GRID1: variants seen among roughly 807,000 people sequenced by gnomAD.
GRID1 encodes glutamate ionotropic receptor delta type subunit 1.
In GRID1, 28 loss-of-function variants were observed where a neutral mutation model predicts 98.0. The ratio of observed to expected loss-of-function variants is 0.29; its 90% CI spans 0.21 to 0.39. The LOEUF is 0.39. Among genes scored for constraint, GRID1 ranks in the 10% least tolerant of loss-of-function variants. GRID1 has a pLI of 1.00. For missense variants in GRID1, 1,111 were observed against 1,340.5 expected (o/e 0.83, Z 2.67); for synonymous variants, 553 against 538.5 (o/e 1.03, Z -0.37).
chr10:85,847,366 C>G (rs1401448605), intron 8 of GRID1, among the ~76,000 whole-genome samples: 1 of 152,182 alleles, frequency 6.6e-6, no homozygotes, highest in East Asian at 1.9e-4. Context: ...AACCCTGAAG[C>G]CTTCCTAGTT....
intron 4 of GRID1, among the ~76,000 whole-genome samples, chr10:86,037,931 T>C (rs905531420): frequency 6.6e-6 from 1 of 152,140 alleles, no homozygotes; most frequent in African/African-American, 2.4e-5. Context: ...AAACTGTATA[T>C]GGAGATAGGA....
intron 13 of GRID1, among the ~76,000 whole-genome samples, chr10:85,622,873 C>A (rs1175690327): frequency 6.6e-6 from 1 of 152,160 alleles, no homozygotes; most frequent in African/African-American, 2.4e-5. Context: ...CTTGACTGAG[C>A]CCTGCTTAAG....
At chr10:85,967,853 G>C (rs1842357198) in intron 4 of GRID1, among the ~76,000 whole-genome samples, 1 of 152,196 alleles carries the variant, frequency 6.6e-6, no homozygotes, top group South Asian at 2.1e-4. Context: ...GCCAGAGGTA[G>C]TAAGATGACA....
intron 13 of GRID1, among the ~76,000 whole-genome samples, chr10:85,628,221 G>T (rs534832761): frequency 1.5e-4 from 23 of 152,110 alleles, no homozygotes; most frequent in African/African-American, 5.1e-4. Flanking sequence ...GTGTGTGAGT[G>T]TGTGCATGTT....
At chr10:86,226,174 G>A (rs1357950663) in intron 2 of GRID1, among the ~76,000 whole-genome samples, 2 of 151,942 alleles carry the variant, frequency 1.3e-5, no homozygotes, top group Admixed American at 6.6e-5. Context: ...GGACCTGCCT[G>A]TTTCCCGCAC....
At position 85,958,957 on chromosome 10, in the gene GRID1, CAAA is replaced by C. The variant is rs199786360; in HGVS notation, c.727-42721_727-42719del. Among the ~76,000 whole-genome samples the C allele has an allele frequency of 1.7e-3, 171 of 99,276 alleles. 2 individuals carry two copies. In the South Asian group the frequency reaches 0.043, roughly 25 times the overall value. The allele number at this position is 99,276 out of a possible 152,430, so 65.1% of individuals were successfully genotyped here. On this transcript the variant is annotated intron_variant, in intron 4 of 15. Transcript: ENST00000327946. ...GAGCTATGAGAGTGAAACTCCGTCTCAAAAAAAAAAAAAAAGAAAGAAAGAAAG... is the reference window on the plus strand; with the variant it reads ...GAGCTATGAGAGTGAAACTCCGTCTCAAAAAAAAAAAAGAAAGAAAGAAAG...
intron 2 of GRID1, among the ~76,000 whole-genome samples, chr10:86,325,760 AG>A (rs1211504957): frequency 2.0e-5 from 3 of 152,236 alleles, no homozygotes; most frequent in African/African-American, 7.2e-5. Flanking sequence ...TTGGTAAACT[AG>A]GGATCAAAAG....
At chr10:85,872,357 C>A (rs987981951) in intron 5 of GRID1, among the ~76,000 whole-genome samples, 7 of 152,088 alleles carry the variant, frequency 4.6e-5, no homozygotes, top group Admixed American at 3.3e-4. Context: ...TCATGCCTTT[C>A]GTTTTTCCCA....
intron 8 of GRID1, among the ~76,000 whole-genome samples, chr10:85,778,339 G>A (rs1590228105): frequency 6.6e-6 from 1 of 152,152 alleles, no homozygotes; most frequent in East Asian, 1.9e-4. Flanking sequence ...CAAGGTAAGA[G>A]GTAGGCCAGA....
intron 2 of GRID1, among the ~76,000 whole-genome samples, chr10:86,346,974 C>G (rs1285901201): frequency 1.3e-5 from 2 of 152,192 alleles, no homozygotes; most frequent in Non-Finnish European, 2.9e-5. Context: ...GAGGCCCAGG[C>G]CCGGTACCCT....
intron 4 of GRID1, among the ~76,000 whole-genome samples, chr10:86,043,603 T>A (rs934890946): frequency 2.0e-5 from 3 of 152,210 alleles, no homozygotes; most frequent in African/African-American, 7.2e-5. Flanking sequence ...CTACCTTGGC[T>A]CTGCATCCAG....
At chr10:86,233,025 T>C (rs886479476) in intron 2 of GRID1, among the ~76,000 whole-genome samples, 2 of 152,074 alleles carry the variant, frequency 1.3e-5, no homozygotes, top group African/African-American at 2.4e-5. Context: ...GCAGGAACCC[T>C]TCAGGATAAT....
At chr10:86,018,435 G>A (rs998440839) in intron 4 of GRID1, among the ~76,000 whole-genome samples, 1 of 152,222 alleles carries the variant, frequency 6.6e-6, no homozygotes, top group Non-Finnish European at 1.5e-5. Context: ...CAAGACAGAC[G>A]GCAGCCCATG....
intron 2 of GRID1, among the ~76,000 whole-genome samples, chr10:86,241,211 T>A (rs1165474779): frequency 2.6e-5 from 4 of 152,232 alleles, no homozygotes; most frequent in Admixed American, 6.5e-5. Flanking sequence ...CTCTGACCCT[T>A]CAGTCCACCA....
In GRID1 at chr10:85,785,130, AC is replaced by A. The variant is rs1357691289; in HGVS notation, c.1234-55517del. ...CGCATGCACATGCACACACTTGTGC[AC>A]CCTAGCAATCAGGAACACTCATTTT... On this transcript the variant is annotated intron_variant, in intron 8 of 15. Coordinates refer to ENST00000327946, the MANE Select transcript of GRID1 (RefSeq NM_017551.3). Among the ~76,000 whole-genome samples the A allele has an allele frequency of 1.3e-5, 2 of 152,226 alleles. 1 individual carries two copies. Among genetic ancestry groups the A allele is most frequent in the African/African-American group, 4.8e-5 (2 of 41,460 alleles).
At chr10:86,174,853 AAAG>A (rs1302437562) in intron 3 of GRID1, among the ~76,000 whole-genome samples, 2 of 152,158 alleles carry the variant, frequency 1.3e-5, no homozygotes, top group Admixed American at 6.5e-5. Context: ...ACACTTCTCA[AAAG>A]AAGACATTTA....
chr10:85,770,429 C>T (rs989314845), intron 8 of GRID1, among the ~76,000 whole-genome samples: 1 of 152,170 alleles, frequency 6.6e-6, no homozygotes, highest in Non-Finnish European at 1.5e-5. Flanking sequence ...TCTCCTCCTC[C>T]AAAGGAATGC....
intron 8 of GRID1, among the ~76,000 whole-genome samples, chr10:85,824,737 T>C (rs1842803879): frequency 6.6e-6 from 1 of 152,180 alleles, no homozygotes. Flanking sequence ...ATATCTATTA[T>C]ACCTCTCTGT....
intron 12 of GRID1, among the ~76,000 whole-genome samples, chr10:85,707,571 T>C (rs1370683097): frequency 6.6e-6 from 1 of 152,360 alleles, no homozygotes; most frequent in East Asian, 1.9e-4. Flanking sequence ...TTCAGGGATC[T>C]AGAACTAGAA....
Sources: allele counts gnomAD v4.1 joint callset (sites outside exome capture counted in the v4.1 genomes callset), GRCh38; gene constraint gnomAD v4.1.1; transcripts MANE v1.5; gene names NCBI Gene and HGNC (gene_info 2026-07-23, HGNC 2026-07-21).